The following TAGLN3 variants were observed in gnomAD, a reference collection of about 807,000 sequenced individuals.
TAGLN3 encodes transgelin-3.
A neutral mutation model predicts 25.4 loss-of-function variants in TAGLN3; 12 were observed. That is an observed-to-expected ratio of 0.47 (90% confidence interval 0.30 to 0.77). The LOEUF is 0.77. Ranked by LOEUF, TAGLN3 falls within the 30% of genes least tolerant of loss-of-function variation. The pLI is 0.06. For missense variants in TAGLN3, 218 were observed against 255.8 expected (o/e 0.85, Z 1.01); for synonymous variants, 96 against 94.8 (o/e 1.01, Z -0.08).
intron 3 of TAGLN3, among the ~76,000 whole-genome samples, chr3:112,007,191 C>G (rs1452724903): frequency 3.9e-5 from 6 of 152,184 alleles, no homozygotes; most frequent in African/African-American, 1.4e-4. Flanking sequence ...CAGCCTTCCC[C>G]ATTATCAACA....
At chr3:112,009,144 T>C (rs534866634) in intron 3 of TAGLN3, among the ~76,000 whole-genome samples, 1 of 152,284 alleles carries the variant, frequency 6.6e-6, no homozygotes, top group South Asian at 2.1e-4. Flanking sequence ...GGATCTGCCC[T>C]CACGACCCAA....
intron 4 of TAGLN3, among the ~76,000 whole-genome samples, chr3:112,012,429 C>T (rs571180538): frequency 2.0e-5 from 3 of 152,120 alleles, no homozygotes; most frequent in South Asian, 4.2e-4. Context: ...CTCTCAACAG[C>T]GTCCTAGTCC....
chr3:112,001,858 T>C (rs1442088677), intron 3 of TAGLN3, among the ~76,000 whole-genome samples: 1 of 152,188 alleles, frequency 6.6e-6, no homozygotes, highest in Non-Finnish European at 1.5e-5. Context: ...TGGAGAGACA[T>C]GGTATTTTAA....
intron 3 of TAGLN3, among the ~76,000 whole-genome samples, chr3:112,009,908 G>A (rs188153681): frequency 3.8e-4 from 58 of 151,838 alleles, no homozygotes; most frequent in Admixed American, 1.2e-3. Flanking sequence ...TATCTTAGCC[G>A]GCAACTTAGT....
Position 112,006,127 on chromosome 3 carries a change from T to C in TAGLN3, c.355+5181T>C, listed in dbSNP as rs558208914. Reference sequence around the variant, plus strand: ...TTCAAGTGGCTGCTGACGATTGTATTTGGTGGGTCTTTCCTTTAGCAATGG... The same window carrying C: ...TTCAAGTGGCTGCTGACGATTGTATCTGGTGGGTCTTTCCTTTAGCAATGG... On this transcript the variant is annotated intron_variant, in intron 3 of 4. Coordinates refer to ENST00000478951, the MANE Select transcript of TAGLN3 (RefSeq NM_001008272.2). 2.6e-5 allele frequency among the ~76,000 whole-genome samples: 4 copies of C among 152,260 alleles called. No individual in the cohort carries two copies. The South Asian group carries it at 8.3e-4, about 32-fold the overall frequency.
At chr3:112,002,342 AGAT>A (rs1479972949) in intron 3 of TAGLN3, among the ~76,000 whole-genome samples, 1 of 152,210 alleles carries the variant, frequency 6.6e-6, no homozygotes, top group Non-Finnish European at 1.5e-5. Context: ...CCCATTTCAA[AGAT>A]GATGATACTG....
At chr3:112,001,080 G>A in intron 3 of TAGLN3, 134 bp downstream of exon 3, 1 of 763,680 alleles carries the variant, frequency 1.3e-6, no homozygotes, top group Non-Finnish European at 2.1e-6. Context: ...TATCCTGGGG[G>A]CAGTGTTTGC....
At chr3:112,011,641 C>T (rs1358499120) in intron 3 of TAGLN3, 122 bp from the exon 4 acceptor site, 7 of 857,708 alleles carry the variant, frequency 8.2e-6, no homozygotes, top group African/African-American at 1.7e-5. Context: ...TAGCACTGCT[C>T]CCTTGAATCT....
At position 112,013,324 on chromosome 3, in the gene TAGLN3, C is replaced by T. The variant is rs908305898; in HGVS notation, c.459-86C>T. The T allele has an allele frequency of 4.6e-6, 7 of 1,514,558 alleles. No individual in the cohort carries two copies. The African/African-American group carries it at 5.6e-5, about 12-fold the overall frequency. 93.8% of individuals were successfully genotyped at this position (1,514,558 alleles called of 1,614,324 possible). A position where few individuals can be genotyped will look rare whatever the true frequency, so the allele number is the denominator to read the frequency against. On this transcript the variant is annotated intron_variant, in intron 4 of 4. Transcript: ENST00000478951. ...GACCTGCTGATCTATTTGGGGACCC[C>T]CAGCAGAGCCTGTCTAATTGCATAT...
chr3:112,010,115 A>C (rs1236318624), intron 3 of TAGLN3, among the ~76,000 whole-genome samples: 1 of 152,052 alleles, frequency 6.6e-6, no homozygotes, highest in African/African-American at 2.4e-5. Flanking sequence ...TTCTAGATGC[A>C]GGGATACCAG....
rs147749047 is a variant in TAGLN3 at position 112,011,592 on chromosome 3, G to T, written c.356-171G>T. On this transcript the variant is annotated intron_variant, in intron 3 of 4. Transcript: ENST00000478951. ...CTTTTTGTTCCTTTCTGAGAAGTTT[G>T]GGTATGGTTGTCTTAGGGCCACTTT... Among the ~76,000 whole-genome samples the T allele has an allele frequency of 1.1e-4, 17 of 152,308 alleles. No homozygotes were observed. In the East Asian group the frequency reaches 3.3e-3, roughly 29 times the overall value.
intron 3 of TAGLN3, among the ~76,000 whole-genome samples, chr3:112,009,354 G>A (rs1213861128): frequency 6.6e-6 from 1 of 152,200 alleles, no homozygotes; most frequent in African/African-American, 2.4e-5. Context: ...GGGCATTGAG[G>A]TTGGTGCCCT....
chr3:112,003,976 G>A (rs1409305917), intron 3 of TAGLN3, among the ~76,000 whole-genome samples: 1 of 152,154 alleles, frequency 6.6e-6, no homozygotes, highest in Non-Finnish European at 1.5e-5. Context: ...ATCCCCCCAG[G>A]TGAAATACTT....
Position 112,013,783 on chromosome 3 carries a change from CCA to C in TAGLN3, c.*233_*234del. On this transcript the variant is annotated 3_prime_UTR_variant, in exon 5 of 5. Coordinates refer to ENST00000478951, the MANE Select transcript of TAGLN3 (RefSeq NM_001008272.2). ...TCCGTTTTCCTGAGCTCCTCGGGCC[CCA>C]GAGTCTCTGTTTGATTATTTATTTA... 1 of 596,160 alleles carries C rather than the reference CCA, an allele frequency of 1.7e-6. No individual in the cohort carries two copies. The highest frequency in any genetic ancestry group is 1.9e-5 in the South Asian group (1 of 51,900). 36.9% of individuals were successfully genotyped at this position (596,160 alleles called of 1,614,324 possible). A position where few individuals can be genotyped will look rare whatever the true frequency, so the allele number is the denominator to read the frequency against.
At chr3:112,007,966 A>G (rs2072935450) in intron 3 of TAGLN3, among the ~76,000 whole-genome samples, 1 of 152,204 alleles carries the variant, frequency 6.6e-6, no homozygotes, top group South Asian at 2.1e-4. Flanking sequence ...GAATCTGAAT[A>G]TTTAAGATTC....
At chr3:112,004,798 ACT>A (rs1559942600) in intron 3 of TAGLN3, among the ~76,000 whole-genome samples, 1 of 151,776 alleles carries the variant, frequency 6.6e-6, no homozygotes, top group African/African-American at 2.4e-5. Flanking sequence ...CTGGAAAGAC[ACT>A]CACTCTGTCT....
intron 3 of TAGLN3, among the ~76,000 whole-genome samples, chr3:112,001,993 G>T (rs1281787278): frequency 1.3e-5 from 2 of 152,208 alleles, no homozygotes; most frequent in South Asian, 4.1e-4. Flanking sequence ...AGCTGGCATT[G>T]CATGTTTCCC....
Position 112,013,534 on chromosome 3 carries a change from C to T in TAGLN3, c.583C>T (p.Pro195Ser). ...SQAGMTGYGM[P>S]RQIM is the part of the protein sequence containing the mutation. ...GGCGGGCATGACAGGGTACGGGATG[C>T]CCAGGCAGATCATGTAGGACGCGGC... The change falls in exon 5 of 5, where the codon CCC becomes TCC. Residue 195 changes from proline to serine, a missense_variant. Coordinates refer to ENST00000478951, the MANE Select transcript of TAGLN3 (RefSeq NM_001008272.2). 6.2e-7 allele frequency: 1 copy of T among 1,614,168 alleles called. No individual in the cohort carries two copies. Among genetic ancestry groups the T allele is most frequent in the Non-Finnish European group, 8.5e-7 (1 of 1,180,012 alleles).
chr3:112,011,970 C>T (rs2107725773), intron 4 of TAGLN3, 105 bp downstream of exon 4: 1 of 981,416 alleles, frequency 1.0e-6, no homozygotes, highest in East Asian at 2.7e-5. Context: ...AGCCCCAGGA[C>T]CAAGCACTGC....
Sources: allele counts gnomAD v4.1 joint callset (sites outside exome capture counted in the v4.1 genomes callset), GRCh38; gene constraint gnomAD v4.1.1; transcripts MANE v1.5; gene names NCBI Gene and HGNC (gene_info 2026-07-23, HGNC 2026-07-21).